The following BCAT1 variants were observed in gnomAD, a reference collection of about 807,000 sequenced individuals.
BCAT1 encodes the protein branched-chain-amino-acid aminotransferase, cytosolic.
In BCAT1, 48 loss-of-function variants were observed where a neutral mutation model predicts 52.4. That is an observed-to-expected ratio of 0.92 (90% CI 0.73 to 1.16). BCAT1 has a LOEUF of 1.16. Among genes scored for constraint, BCAT1 ranks in the 50% most tolerant of loss-of-function variants. The pLI is 0.00. For missense variants in BCAT1, 451 were observed against 457.1 expected (o/e 0.99, Z 0.12); for synonymous variants, 167 against 161.3 (o/e 1.04, Z -0.27).
chr12:24,820,827 G>GC (rs5797103), intron 10 of BCAT1, among the ~76,000 whole-genome samples: 111,482 of 151,994 alleles, frequency 0.73, 40,992 homozygotes, highest in East Asian at 0.87. Context: ...ATTTCATACG[G>GC]CTTTGCTAAA....
intron 2 of BCAT1, among the ~76,000 whole-genome samples, chr12:24,900,728 C>T (rs147907666): frequency 0.019 from 2,885 of 152,296 alleles, 67 homozygotes; most frequent in African/African-American, 0.066. Flanking sequence ...GCCAGGAGTT[C>T]GAGACCAGCC....
chr12:24,845,759 A>T (rs1045937065), intron 6 of BCAT1, among the ~76,000 whole-genome samples: 11 of 152,224 alleles, frequency 7.2e-5, no homozygotes, highest in African/African-American at 1.7e-4. Context: ...TAAGTTTTTT[A>T]AAAAATAACT....
rs76113351 is a variant in BCAT1, at chr12:24,875,411, G to A, written c.510+3119C>T. Among the ~76,000 whole-genome samples the A allele has an allele frequency of 8.3e-3, 1,256 of 152,080 alleles. 25 individuals are homozygous for A. Among genetic ancestry groups the A allele is most frequent in the African/African-American group, 0.029 (1,217 of 41,458 alleles). Reference sequence around the variant, plus strand: ...ATACCAACCAAATATAAATAATGTCGGCTCCCCAAATGGTATTCGTTAATA... The same window carrying A: ...ATACCAACCAAATATAAATAATGTCAGCTCCCCAAATGGTATTCGTTAATA... On this transcript the variant is annotated intron_variant, in intron 5 of 10. Transcript: ENST00000261192.
In BCAT1 at chr12:24,842,134, G is replaced by T; in HGVS notation, c.765C>A (p.Ile255=). 1 of 1,613,732 alleles carries T rather than the reference G, an allele frequency of 6.2e-7. No homozygotes were observed. The highest frequency in any genetic ancestry group is 8.5e-7 in the Non-Finnish European group (1 of 1,179,672). ...AAAGATTCATAGTTCCCACTTCAGT[G>T]ATCTGATGGTCCTCTCCATAGAGCC... ...VLWLYGEDHQ[I]TEVGTMNLFL... The change falls in exon 7 of 11, where the codon ATC becomes ATA. Residue 255 remains isoleucine, a synonymous_variant. Coordinates refer to ENST00000261192, the MANE Select transcript of BCAT1 (RefSeq NM_005504.7).
chr12:24,881,290 C>T lies in BCAT1; in HGVS notation c.390+11G>A, dbSNP rs1434177539. On this transcript the variant is annotated intron_variant, in intron 4 of 10. Coordinates refer to ENST00000261192, the MANE Select transcript of BCAT1 (RefSeq NM_005504.7). ...AAAAGAAACACAAAAGAAACTCCTA[C>T]ACTTACATACCGGCAGAGTTGCCCT... 5.1e-6 allele frequency: 8 copies of T among 1,577,904 alleles called. No homozygotes were observed. Among genetic ancestry groups the T allele is most frequent in the South Asian group, 1.1e-5 (1 of 88,616 alleles).
chr12:24,873,341 C>CTCCATAAATAAA (rs1942236554), intron 5 of BCAT1, among the ~76,000 whole-genome samples: 1 of 152,144 alleles, frequency 6.6e-6, no homozygotes, highest in Non-Finnish European at 1.5e-5. Context: ...TAAATAAATA[C>CTCCATAAATAAA]TTTAGGAGAT....
At chr12:24,855,008 G>A (rs2038696366) in intron 5 of BCAT1, among the ~76,000 whole-genome samples, 1 of 152,184 alleles carries the variant, frequency 6.6e-6, no homozygotes, top group Middle Eastern at 3.4e-3. Context: ...TAAAAATAAA[G>A]GAACAGCTTG....
chr12:24,830,955 GAAAATAACTCTAAAGT>G (rs1354767148), intron 9 of BCAT1, among the ~76,000 whole-genome samples: 1 of 152,166 alleles, frequency 6.6e-6, no homozygotes, highest in Non-Finnish European at 1.5e-5. Flanking sequence ...TCAGCTGAGG[GAAAATAACTCTAAAGT>G]AAAATTTGAA....
At chr12:24,880,867 A>C (rs1942473566) in intron 4 of BCAT1, among the ~76,000 whole-genome samples, 1 of 147,142 alleles carries the variant, frequency 6.8e-6, no homozygotes. Context: ...ACAGAGTCTC[A>C]CTTTGCGGCT....
chr12:24,905,640 T>G (rs1210842190), intron 1 of BCAT1, among the ~76,000 whole-genome samples: 1 of 152,200 alleles, frequency 6.6e-6, no homozygotes, highest in Non-Finnish European at 1.5e-5. Context: ...ATTCAAGAAG[T>G]GCTATTAGTC....
At chr12:24,924,239 G>C (rs1278345320) in intron 1 of BCAT1, among the ~76,000 whole-genome samples, 2 of 152,252 alleles carry the variant, frequency 1.3e-5, no homozygotes, top group East Asian at 3.9e-4. Flanking sequence ...ATAATGAGAG[G>C]AGGGAGAGAA....
rs560798912 is a variant in BCAT1 at position 24,824,231 on chromosome 12, TTTCC to T, written c.1119+5588_1119+5591del. On this transcript the variant is annotated intron_variant, in intron 10 of 10. Transcript: ENST00000261192. The stretch of plus-strand genomic sequence containing the variant: ...TACAGCCAAATCAAATGAGTTTACA[TTTCC>T]TTCCTTCCTTCCTTCCTTCCTTCCT... 1.7e-3 allele frequency among the ~76,000 whole-genome samples: 35 copies of T among 21,120 alleles called. 1 individual carries two copies. Among genetic ancestry groups the T allele is most frequent in the Non-Finnish European group, 2.9e-3 (23 of 7,968 alleles). 13.9% of individuals were successfully genotyped at this position (21,120 alleles called of 152,430 possible). A position where few individuals can be genotyped will look rare whatever the true frequency, so the allele number is the denominator to read the frequency against.
rs1196352712 is a variant in BCAT1, at chr12:24,816,887, T to A, written c.*1121A>T. ...TAGGATTTGTGCTCCTATGAGAATC[T>A]AATGCTGCCACTGAGCTGACAAGAG... On this transcript the variant is annotated 3_prime_UTR_variant, in exon 11 of 11. Transcript: ENST00000261192. 4 of 265,844 alleles carry A rather than the reference T, an allele frequency of 1.5e-5. No homozygotes were observed. Among genetic ancestry groups the A allele is most frequent in the Non-Finnish European group, 2.8e-5 (4 of 142,712 alleles). 16.5% of individuals were successfully genotyped at this position (265,844 alleles called of 1,614,324 possible).
chr12:24,815,613 C>T lies in BCAT1; in HGVS notation c.*2395G>A, dbSNP rs567545790. The T allele has an allele frequency of 6.6e-5, 10 of 152,260 alleles. No homozygotes were observed. Among genetic ancestry groups the T allele is most frequent in the African/African-American group, 2.4e-4 (10 of 41,532 alleles). 9.4% of individuals were successfully genotyped at this position (152,260 alleles called of 1,614,324 possible). On this transcript the variant is annotated 3_prime_UTR_variant, in exon 11 of 11. Transcript: ENST00000261192. ...CTGTTAAATCTATTTAACAAGAAAG[C>T]GTCAAGGTCAATTTCCTGTCTTATT... is the stretch of plus-strand genomic sequence containing the variant.
chr12:24,919,488 C>T (rs1943470567), intron 1 of BCAT1, among the ~76,000 whole-genome samples: 1 of 152,140 alleles, frequency 6.6e-6, no homozygotes, highest in Admixed American at 6.5e-5. Context: ...TGTCTCTAAA[C>T]CCCACTTTAA....
intron 1 of BCAT1, among the ~76,000 whole-genome samples, chr12:24,913,473 A>C (rs1475222832): frequency 6.6e-6 from 1 of 152,144 alleles, no homozygotes; most frequent in Admixed American, 6.6e-5. Context: ...TGGCTGTCTG[A>C]GTATCTATTT....
At chr12:24,842,519 A>C (rs1453444873) in intron 6 of BCAT1, among the ~76,000 whole-genome samples, 3 of 150,794 alleles carry the variant, frequency 2.0e-5, no homozygotes, top group African/African-American at 7.5e-5. Flanking sequence ...GAGAACAGTT[A>C]AAAGTTACTA....
chr12:24,936,984 C>T (rs1565506214), intron 1 of BCAT1, among the ~76,000 whole-genome samples: 2 of 152,072 alleles, frequency 1.3e-5, no homozygotes, highest in African/African-American at 4.8e-5. Context: ...ATGACTCAGC[C>T]TACCACATTC....
intron 3 of BCAT1, among the ~76,000 whole-genome samples, chr12:24,889,290 T>A (rs1348540979): frequency 6.6e-6 from 1 of 152,214 alleles, no homozygotes; most frequent in Non-Finnish European, 1.5e-5. Flanking sequence ...CGTAGCCACT[T>A]CAATAATATC....
Sources: gnomAD v4.1 joint callset for allele counts (sites outside exome capture counted in the v4.1 genomes callset) on GRCh38, gnomAD v4.1.1 for gene constraint, MANE v1.5 for transcripts, NCBI Gene and HGNC (gene_info 2026-07-23, HGNC 2026-07-21) for gene names.